SIPA1L2: variants seen among roughly 807,000 people sequenced by gnomAD.
SIPA1L2 encodes the protein signal-induced proliferation-associated 1-like protein 2.
In SIPA1L2, 56 loss-of-function variants were observed where a neutral mutation model predicts 163.9. That is an observed-to-expected ratio of 0.34 (90% CI 0.28 to 0.43). The LOEUF (loss-of-function observed/expected upper bound fraction) is 0.43, where lower values mean the gene tolerates loss of function less well. SIPA1L2 is among the 20% of genes least tolerant of loss of function. SIPA1L2 has a pLI of 1.00. For missense variants in SIPA1L2, 1,974 were observed against 2,193.5 expected (o/e 0.90, Z 2.00); for synonymous variants, 877 against 865.7 (o/e 1.01, Z -0.23).
intron 1 of SIPA1L2, among the ~76,000 whole-genome samples, chr1:232,589,280 A>G (rs1660843913): frequency 6.6e-6 from 1 of 152,246 alleles, no homozygotes; most frequent in East Asian, 1.9e-4. Context: ...TTGGATCTCC[A>G]TTAATCTTCC....
At chr1:232,479,312 C>T (rs889648763) in intron 7 of SIPA1L2, among the ~76,000 whole-genome samples, 7 of 152,102 alleles carry the variant, frequency 4.6e-5, no homozygotes, top group Admixed American at 3.3e-4. Context: ...ACACAAAAAC[C>T]GAAGTCAGGT....
At chr1:232,550,687 G>A (rs923086402) in intron 2 of SIPA1L2, among the ~76,000 whole-genome samples, 1 of 152,200 alleles carries the variant, frequency 6.6e-6, no homozygotes, top group Non-Finnish European at 1.5e-5. Context: ...TCTTAATGCA[G>A]ACAACAGAAC....
At chr1:232,464,714 A>G (rs1383701426) in intron 9 of SIPA1L2, 126 bp downstream of exon 9, 1 of 772,416 alleles carries the variant, frequency 1.3e-6, no homozygotes, top group Non-Finnish European at 2.0e-6. Context: ...TAAGCTCTGT[A>G]TCTGTAACAA....
At chr1:232,523,603 T>G (rs1200175022) in intron 2 of SIPA1L2, among the ~76,000 whole-genome samples, 1 of 152,198 alleles carries the variant, frequency 6.6e-6, no homozygotes, top group Non-Finnish European at 1.5e-5. Context: ...GAATGTTTAG[T>G]GACAGTGGGT....
intron 2 of SIPA1L2, among the ~76,000 whole-genome samples, chr1:232,566,451 G>A (rs1181363955): frequency 6.6e-6 from 1 of 152,202 alleles, no homozygotes; most frequent in East Asian, 1.9e-4. Context: ...AATGTGGTAC[G>A]TGGAAAAGCC....
chr1:232,598,428 G>C (rs929493922), intron 1 of SIPA1L2, among the ~76,000 whole-genome samples: 1 of 152,112 alleles, frequency 6.6e-6, no homozygotes, highest in African/African-American at 2.4e-5. Flanking sequence ...AACCAAAAAT[G>C]ACAGCTTGTA....
At chr1:232,509,079 G>A (rs146557229) in intron 3 of SIPA1L2, among the ~76,000 whole-genome samples, 6 of 152,340 alleles carry the variant, frequency 3.9e-5, no homozygotes, top group East Asian at 3.9e-4. Flanking sequence ...GCAACAGAGC[G>A]AGACTCTGTC....
rs73111032 is a variant in SIPA1L2, at chr1:232,400,497, C to T, written c.5023-1224G>A. Among the ~76,000 whole-genome samples the T allele has an allele frequency of 2.0e-3, 311 of 152,184 alleles. 2 individuals are homozygous for T. Among genetic ancestry groups the T allele is most frequent in the African/African-American group, 7.1e-3 (296 of 41,522 alleles). On this transcript the variant is annotated intron_variant, in intron 22 of 22. Coordinates refer to ENST00000674635, the MANE Select transcript of SIPA1L2 (RefSeq NM_020808.5). ...GTCCCCAGCAGCTCACTATGGGGGT[C>T]GGGCAGGCAGACAGTGCATCCTCTA...
At chr1:232,552,078 G>T (rs1016394745) in intron 2 of SIPA1L2, among the ~76,000 whole-genome samples, 3 of 152,114 alleles carry the variant, frequency 2.0e-5, no homozygotes, top group African/African-American at 7.2e-5. Context: ...GACCTCAGGC[G>T]ATCCACCCAC....
At chr1:232,559,528 C>T (rs1467252486) in intron 2 of SIPA1L2, among the ~76,000 whole-genome samples, 1 of 152,020 alleles carries the variant, frequency 6.6e-6, no homozygotes, top group East Asian at 1.9e-4. Flanking sequence ...TTTATAAAGA[C>T]CATGAAATAA....
intron 2 of SIPA1L2, among the ~76,000 whole-genome samples, chr1:232,520,305 A>C (rs76175920): frequency 6.6e-6 from 1 of 152,116 alleles, no homozygotes; most frequent in Non-Finnish European, 1.5e-5. Context: ...CCAGACAGAA[A>C]CCCCACAGGT....
intron 9 of SIPA1L2, chr1:232,462,231 T>A: frequency 6.4e-7 from 1 of 1,550,992 alleles, no homozygotes; most frequent in Non-Finnish European, 8.7e-7. Flanking sequence ...AAACATGGGC[T>A]CATTAAGTAT....
At chr1:232,557,359 T>C (rs1658773670) in intron 2 of SIPA1L2, among the ~76,000 whole-genome samples, 1 of 152,284 alleles carries the variant, frequency 6.6e-6, no homozygotes, top group Admixed American at 6.5e-5. Flanking sequence ...TTTTCAATAG[T>C]GGAAGCCACA....
chr1:232,571,217 A>G (rs990380231), intron 2 of SIPA1L2, among the ~76,000 whole-genome samples: 1 of 152,256 alleles, frequency 6.6e-6, no homozygotes, highest in Non-Finnish European at 1.5e-5. Flanking sequence ...TAACCTCAGT[A>G]TTAATTTTTT....
intron 2 of SIPA1L2, among the ~76,000 whole-genome samples, chr1:232,549,760 T>G (rs1658267516): frequency 6.6e-6 from 1 of 152,214 alleles, no homozygotes; most frequent in Non-Finnish European, 1.5e-5. Context: ...CCAACTTACA[T>G]TTCAAGTTTT....
At position 232,472,107 on chromosome 1, in the gene SIPA1L2, T is replaced by A. The variant is rs535240032; in HGVS notation, c.2086-579A>T. On this transcript the variant is annotated intron_variant, in intron 7 of 22. Transcript: ENST00000674635. ...GGATTAATAACCAGAAGCCCAATCA[T>A]TTGTAATTTTATAAATCACAAATCT... Among the ~76,000 whole-genome samples the A allele has an allele frequency of 6.6e-5, 10 of 152,302 alleles. 2 individuals carry two copies. In the South Asian group the frequency reaches 2.1e-3, roughly 32 times the overall value.
Position 232,514,228 on chromosome 1 carries a change from G to T in SIPA1L2, c.1112C>A (p.Thr371Lys). The T allele has an allele frequency of 6.2e-7, 1 of 1,614,192 alleles. No individual in the cohort carries two copies. The change falls in exon 3 of 23, where the codon ACG (threonine) becomes AAG (lysine). Residue 371 changes from threonine (T) to lysine (K), a missense_variant. Physicochemically the swap from Thr to Lys is moderately conservative, Grantham distance 78. Coordinates refer to ENST00000674635, the MANE Select transcript of SIPA1L2 (RefSeq NM_020808.5). The stretch of plus-strand genomic sequence containing the variant: ...GGACTCACAGTTGCCTGTCTGGCCC[G>T]TAGGCATCTGAGTCTGGGATGCTGC... The part of the protein sequence containing the change: ...ASAASQTQMP[T>K]GQTGNCESPL...
chr1:232,588,586 A>G (rs1358702395), intron 1 of SIPA1L2, among the ~76,000 whole-genome samples: 1 of 152,346 alleles, frequency 6.6e-6, no homozygotes, highest in East Asian at 1.9e-4. Flanking sequence ...CATCTCGACC[A>G]AACTTTGAGA....
chr1:232,612,248 G>T (rs2102875794), intron 1 of SIPA1L2, among the ~76,000 whole-genome samples: 1 of 152,292 alleles, frequency 6.6e-6, no homozygotes. Context: ...CTCTGCTAGG[G>T]CAGTGTAAAA....
Sources: allele counts gnomAD v4.1 joint callset (sites outside exome capture counted in the v4.1 genomes callset), GRCh38; gene constraint gnomAD v4.1.1; transcripts MANE v1.5; gene names NCBI Gene and HGNC (gene_info 2026-07-23, HGNC 2026-07-21).